PNLIP: variants seen among roughly 807,000 people sequenced by gnomAD.
The protein encoded by PNLIP is pancreatic lipase, also known as pancreatic triacylglycerol lipase.
In PNLIP, 49 loss-of-function variants were observed where a neutral mutation model predicts 57.1. That is an observed-to-expected ratio of 0.86 (90% CI 0.68 to 1.09). The LOEUF (loss-of-function observed/expected upper bound fraction) is 1.09, where lower values mean the gene tolerates loss of function less well. Ranked by LOEUF, PNLIP falls within the 50% of genes least tolerant of loss-of-function variation. The pLI is 0.00. For missense variants in PNLIP, 503 were observed against 570.2 expected (o/e 0.88, Z 1.20); for synonymous variants, 209 against 200.4 (o/e 1.04, Z -0.36).
At position 116,555,108 on chromosome 10, in the gene PNLIP, A is replaced by C; in HGVS notation, c.572-70A>C. 3 of 1,538,210 alleles carry C rather than the reference A, an allele frequency of 2.0e-6. No homozygotes were observed. The South Asian group carries it at 3.4e-5, about 17-fold the overall frequency. ...ACCCGTTCATCCCTTTCCATGCATA[A>C]CTCATATTTTACTCTTAATACTTGT... On this transcript the variant is annotated intron_variant, in intron 6 of 12. Coordinates refer to ENST00000369221, the MANE Select transcript of PNLIP (RefSeq NM_000936.4).
chr10:116,557,298 T>C (rs2133204439), intron 9 of PNLIP, among the ~76,000 whole-genome samples: 1 of 152,312 alleles, frequency 6.6e-6, no homozygotes, highest in Non-Finnish European at 1.5e-5. Context: ...TTCTTTCAAG[T>C]GATACTCATC....
At chr10:116,547,907 A>G (rs1296925553) in intron 3 of PNLIP, among the ~76,000 whole-genome samples, 1 of 151,972 alleles carries the variant, frequency 6.6e-6, no homozygotes, top group Non-Finnish European at 1.5e-5. Context: ...AGATTCATTA[A>G]CTTCATATTA....
Position 116,548,478 on chromosome 10 carries a change from G to A in PNLIP, c.320G>A (p.Cys107Tyr), listed in dbSNP as rs1424635000. 1 of 1,613,604 alleles carries A rather than the reference G, an allele frequency of 6.2e-7. No individual in the cohort carries two copies. Among genetic ancestry groups the A allele is most frequent in the Admixed American group, 1.7e-5 (1 of 59,962 alleles). Reference sequence around the variant, plus strand: ...GAAGAAAACTGGCTGGCCAATGTGTGCAAGGTGAGATGTGGTCATCTCTCA... The same window carrying A: ...GAAGAAAACTGGCTGGCCAATGTGTACAAGGTGAGATGTGGTCATCTCTCA... The part of the protein sequence containing the change: ...KGEENWLANV[C>Y]KNLFKVESVN... Residue 107 changes from cysteine to tyrosine, a missense_variant, in exon 4 of 13, where the codon TGC (cysteine) becomes TAC (tyrosine). Cys to Tyr is a radical substitution (Grantham distance 194). Transcript: ENST00000369221.
chr10:116,557,975 C>G (rs1847270543), intron 9 of PNLIP, among the ~76,000 whole-genome samples: 1 of 151,784 alleles, frequency 6.6e-6, no homozygotes, highest in South Asian at 2.1e-4. Context: ...TTGAAAAAAG[C>G]CGGGCGCGGT....
chr10:116,555,657 T>C (rs1005066128), intron 8 of PNLIP, 150 bp downstream of exon 8: 1 of 884,216 alleles, frequency 1.1e-6, no homozygotes, highest in Non-Finnish European at 1.7e-6. Flanking sequence ...AGGTTTTCAC[T>C]GGGATAAGTG....
intron 2 of PNLIP, 135 bp downstream of exon 2, chr10:116,546,273 A>AGACC (rs780463688): frequency 4.2e-5 from 31 of 738,212 alleles, no homozygotes; most frequent in Non-Finnish European, 6.9e-5. Flanking sequence ...GAGACGCATA[A>AGACC]GAGCACAGGT....
intron 6 of PNLIP, 91 bp from the exon 7 acceptor site, chr10:116,555,087 G>A (rs948437616): frequency 3.9e-5 from 56 of 1,426,100 alleles, no homozygotes; most frequent in Middle Eastern, 3.9e-4. Flanking sequence ...GGAAGAACCC[G>A]TTCATCCCTT....
At chr10:116,559,879 A>C (rs1323445238) in intron 10 of PNLIP, among the ~76,000 whole-genome samples, 1 of 152,224 alleles carries the variant, frequency 6.6e-6, no homozygotes, top group East Asian at 1.9e-4. Context: ...TCTAAATGGC[A>C]AACTATTGGC....
At chr10:116,554,445 A>G (rs1425423118) in intron 6 of PNLIP, among the ~76,000 whole-genome samples, 5 of 152,176 alleles carry the variant, frequency 3.3e-5, no homozygotes. Context: ...GTGTGCTGCT[A>G]ATGAGATAAC....
chr10:116,546,224 G>A (rs1847121994), intron 2 of PNLIP, 86 bp downstream of exon 2: 2 of 1,103,372 alleles, frequency 1.8e-6, no homozygotes, highest in Admixed American at 1.7e-5. Context: ...TCAGGCCGCA[G>A]TAATAACATG....
chr10:116,548,297 T>G, intron 3 of PNLIP, 63 bp from the exon 4 acceptor site: 1 of 1,556,624 alleles, frequency 6.4e-7, no homozygotes, highest in Non-Finnish European at 8.8e-7. Flanking sequence ...CCCCTCTCCA[T>G]GTACAAATGG....
At chr10:116,551,399 G>T (rs921044717) in intron 5 of PNLIP, 167 bp downstream of exon 5, 18 of 457,400 alleles carry the variant, frequency 3.9e-5, no homozygotes, top group African/African-American at 3.5e-4. Context: ...ATCTAGCTTT[G>T]GGTTTCATCA....
rs376332523 is a variant in PNLIP, at chr10:116,551,200, G to T, written c.427G>T (p.Ala143Ser). The change falls in exon 5 of 13, where the codon GCA (alanine) becomes TCA (serine). Residue 143 changes from alanine (A) to serine (S), a missense_variant. Coordinates refer to ENST00000369221, the MANE Select transcript of PNLIP (RefSeq NM_000936.4). ...QASQNIRIVG[A>S]EVAYFVEFLQ... ...CTCGCAGAACATCAGGATCGTGGGA[G>T]CAGAAGTGGCATATTTTGTTGAATT... The T allele has an allele frequency of 5.3e-5, 85 of 1,610,664 alleles. No individual in the cohort carries two copies. In the African/African-American group the frequency reaches 1.1e-3, roughly 21 times the overall value.
At chr10:116,563,895 T>C (rs912793424) in intron 12 of PNLIP, among the ~76,000 whole-genome samples, 6 of 152,120 alleles carry the variant, frequency 3.9e-5, no homozygotes, top group Non-Finnish European at 8.8e-5. Flanking sequence ...TAAAAATAAC[T>C]TTAAAAGAAC....
intron 3 of PNLIP, among the ~76,000 whole-genome samples, chr10:116,547,725 C>CAAAAAAAA (rs569977938): frequency 2.1e-5 from 1 of 47,242 alleles, no homozygotes; most frequent in South Asian, 9.0e-4. Flanking sequence ...GACTCCATCT[C>CAAAAAAAA]AAAAAAAAAA....
chr10:116,553,482 T>C (rs1291123536), intron 5 of PNLIP, among the ~76,000 whole-genome samples: 1 of 152,214 alleles, frequency 6.6e-6, no homozygotes, highest in East Asian at 1.9e-4. Flanking sequence ...TTACGTTGTG[T>C]TCCAGTTGCC....
At chr10:116,553,592 T>A (rs558730285) in intron 5 of PNLIP, 135 bp from the exon 6 acceptor site, 302 of 678,844 alleles carry the variant, frequency 4.4e-4, no homozygotes, top group Non-Finnish European at 7.1e-4. Context: ...GCCATCTAGG[T>A]TTATGTAAAT....
At chr10:116,564,831 A>C (rs1021540246) in intron 12 of PNLIP, among the ~76,000 whole-genome samples, 1 of 152,188 alleles carries the variant, frequency 6.6e-6, no homozygotes, top group African/African-American at 2.4e-5. Context: ...ATAAGTTAAA[A>C]ATATGCGCTA....
At chr10:116,561,249 A>G (rs1252938014) in intron 11 of PNLIP, among the ~76,000 whole-genome samples, 2 of 152,210 alleles carry the variant, frequency 1.3e-5, no homozygotes, top group Non-Finnish European at 2.9e-5. Flanking sequence ...TGAGATGTTC[A>G]TGGCAAATGG....
Sources: allele counts gnomAD v4.1 joint callset (sites outside exome capture counted in the v4.1 genomes callset), GRCh38; gene constraint gnomAD v4.1.1; transcripts MANE v1.5; gene names NCBI Gene and HGNC (gene_info 2026-07-23, HGNC 2026-07-21).